Variants in EFCAB5 observed in about 807,000 individuals in gnomAD.
EFCAB5 encodes the protein EF-hand calcium-binding domain-containing protein 5.
In EFCAB5, 131 loss-of-function variants were observed where a neutral mutation model predicts 167.9. The ratio of observed to expected loss-of-function variants is 0.78; its 90% confidence interval spans 0.68 to 0.90. EFCAB5 has a LOEUF of 0.90. EFCAB5 is among the 40% of genes least tolerant of loss of function. The pLI, the probability that EFCAB5 is intolerant of heterozygous loss-of-function variation, is 0.00. For synonymous variants in EFCAB5, 574 were observed against 602.8 expected, an observed-to-expected ratio of 0.95 and a Z score of 0.70; for missense variants, 1,663 against 1,745.2, an observed-to-expected ratio of 0.95 and a Z score of 0.84.
chr17:29,956,843 G>GAGAA (rs879528162), intron 3 of EFCAB5, among the ~76,000 whole-genome samples: 1 of 152,048 alleles, frequency 6.6e-6, no homozygotes, highest in South Asian at 2.1e-4. Flanking sequence ...GAGGGAGAGA[G>GAGAA]AGAAAGAAAG....
At chr17:30,014,738 C>T (rs1030684791) in intron 7 of EFCAB5, among the ~76,000 whole-genome samples, 1 of 152,026 alleles carries the variant, frequency 6.6e-6, no homozygotes, top group Non-Finnish European at 1.5e-5. Flanking sequence ...CACTGATGGG[C>T]CTTGACTCTA....
At chr17:30,030,525 T>C (rs573613458) in intron 7 of EFCAB5, among the ~76,000 whole-genome samples, 1 of 152,240 alleles carries the variant, frequency 6.6e-6, no homozygotes, top group South Asian at 2.1e-4. Context: ...TTATTTTTAG[T>C]AGAGATGAGG....
intron 7 of EFCAB5, among the ~76,000 whole-genome samples, chr17:30,015,970 G>C (rs1291990688): frequency 6.6e-6 from 1 of 151,696 alleles, no homozygotes; most frequent in Non-Finnish European, 1.5e-5. Flanking sequence ...GTAGAGACAG[G>C]GTTTTTCCAT....
chr17:30,030,332 GGTTT>G (rs370658956), intron 7 of EFCAB5, among the ~76,000 whole-genome samples: 10 of 152,006 alleles, frequency 6.6e-5, no homozygotes, highest in Admixed American at 5.2e-4. Flanking sequence ...CTCAGAAAAA[GGTTT>G]GTTTGTTTGT....
chr17:29,997,255 A>AG (rs1311190586), intron 6 of EFCAB5, among the ~76,000 whole-genome samples: 2 of 151,866 alleles, frequency 1.3e-5, no homozygotes, highest in Non-Finnish European at 2.9e-5. Flanking sequence ...AAAAAAAAAA[A>AG]AAAGAAAGAA....
At chr17:30,039,189 A>G (rs1457047079) in intron 8 of EFCAB5, among the ~76,000 whole-genome samples, 1 of 152,178 alleles carries the variant, frequency 6.6e-6, no homozygotes, top group African/African-American at 2.4e-5. Context: ...GGGAAACTCA[A>G]GCTAGCCTGG....
At chr17:30,058,702 A>T (rs1214786614) in intron 13 of EFCAB5, among the ~76,000 whole-genome samples, 1 of 151,994 alleles carries the variant, frequency 6.6e-6, no homozygotes, top group Non-Finnish European at 1.5e-5. Context: ...ATTCCCCTTC[A>T]CTCAAAACAT....
intron 4 of EFCAB5, among the ~76,000 whole-genome samples, chr17:29,988,594 C>T (rs2068341049): frequency 6.6e-6 from 1 of 152,146 alleles, no homozygotes; most frequent in Admixed American, 6.5e-5. Flanking sequence ...AAAATTGAAA[C>T]AGTTTTGTTT....
intron 8 of EFCAB5, among the ~76,000 whole-genome samples, chr17:30,047,162 GAT>G (rs1567737697): frequency 6.6e-6 from 1 of 152,166 alleles, no homozygotes; most frequent in East Asian, 1.9e-4. Flanking sequence ...TTGACTCAAA[GAT>G]AGCCTGCATT....
intron 8 of EFCAB5, 84 bp downstream of exon 8, chr17:30,034,469 C>T: frequency 6.7e-7 from 1 of 1,485,314 alleles, no homozygotes; most frequent in Non-Finnish European, 9.0e-7. Context: ...GAGGCTGAGG[C>T]TGGTGGATTA....
chr17:30,014,657 A>G (rs1046413398), intron 7 of EFCAB5, among the ~76,000 whole-genome samples: 7 of 152,054 alleles, frequency 4.6e-5, no homozygotes, highest in South Asian at 2.1e-4. Flanking sequence ...TGCTTGGTAG[A>G]TCTTCCTCCA....
chr17:30,070,455 A>G (rs1198358849), intron 14 of EFCAB5, among the ~76,000 whole-genome samples: 1 of 152,214 alleles, frequency 6.6e-6, no homozygotes, highest in Non-Finnish European at 1.5e-5. Context: ...ACAAATGTCT[A>G]GTTACCAAAA....
At chr17:29,945,353 A>C (rs2067377310) in intron 3 of EFCAB5, among the ~76,000 whole-genome samples, 1 of 151,872 alleles carries the variant, frequency 6.6e-6, no homozygotes, top group South Asian at 2.1e-4. Flanking sequence ...CTCTTTTTAA[A>C]CCAACTAAGA....
intron 22 of EFCAB5, among the ~76,000 whole-genome samples, chr17:30,105,143 A>C (rs2071431476): frequency 6.6e-6 from 1 of 152,162 alleles, no homozygotes; most frequent in Non-Finnish European, 1.5e-5. Flanking sequence ...TTGAAACATT[A>C]TCTTTGGAAA....
At chr17:30,106,868 G>GAT (rs2071456190) in intron 22 of EFCAB5, among the ~76,000 whole-genome samples, 1 of 152,314 alleles carries the variant, frequency 6.6e-6, no homozygotes, top group African/African-American at 2.4e-5. Flanking sequence ...CTGAGCATGG[G>GAT]AGATTGAGGC....
intron 8 of EFCAB5, among the ~76,000 whole-genome samples, chr17:30,045,397 G>A (rs1184439715): frequency 1.3e-5 from 2 of 148,374 alleles, no homozygotes; most frequent in Non-Finnish European, 3.0e-5. Context: ...GGCAGAGGTT[G>A]CAGTGAGCCA....
At chr17:29,935,558 C>CA (rs545637565) in intron 1 of EFCAB5, among the ~76,000 whole-genome samples, 196 of 151,080 alleles carry the variant, frequency 1.3e-3, no homozygotes, top group Non-Finnish European at 1.8e-3. Context: ...GACCTTGTCT[C>CA]AAAAAAACAG....
At chr17:29,969,440 T>A in intron 4 of EFCAB5, 73 bp downstream of exon 4, 1 of 1,288,362 alleles carries the variant, frequency 7.8e-7, no homozygotes, top group Admixed American at 2.9e-5. Context: ...AATAACATAA[T>A]CATGGACAGG....
intron 7 of EFCAB5, among the ~76,000 whole-genome samples, chr17:30,019,637 G>A (rs1357359809): frequency 6.6e-6 from 1 of 151,802 alleles, no homozygotes; most frequent in Non-Finnish European, 1.5e-5. Flanking sequence ...GTAGAGACGG[G>A]GTTTTCCCAT....
Sources: allele counts gnomAD v4.1 joint callset (sites outside exome capture counted in the v4.1 genomes callset), GRCh38; gene constraint gnomAD v4.1.1; transcripts MANE v1.5; gene names NCBI Gene and HGNC (gene_info 2026-07-23, HGNC 2026-07-21).